AK5: variants seen among roughly 807,000 people sequenced by gnomAD.
AK5 encodes adenylate kinase isoenzyme 5.
In AK5, 27 loss-of-function variants were observed where a neutral mutation model predicts 69.5. The ratio of observed to expected loss-of-function variants is 0.39; its 90% CI spans 0.29 to 0.54. The LOEUF is 0.54. AK5 is among the 20% of genes least tolerant of loss of function. The pLI, the probability that AK5 is intolerant of heterozygous loss-of-function variation, is 0.71. For missense variants in AK5, 531 were observed against 700.4 expected (o/e 0.76, Z 2.73); for synonymous variants, 260 against 244.4 (o/e 1.06, Z -0.60).
chr1:77,341,942 G>T (rs182683922), intron 6 of AK5, among the ~76,000 whole-genome samples: 445 of 152,080 alleles, frequency 2.9e-3, no homozygotes, highest in Middle Eastern at 6.8e-3. Context: ...TCTGTCACCT[G>T]GGCTGGAGTG....
chr1:77,498,281 G>C (rs776828324), intron 10 of AK5, among the ~76,000 whole-genome samples: 9 of 152,212 alleles, frequency 5.9e-5, no homozygotes, highest in Non-Finnish European at 1.0e-4. Context: ...ATGGGAAGGG[G>C]TAAAGCCAGA....
chr1:77,426,628 A>G (rs539048390), intron 8 of AK5, among the ~76,000 whole-genome samples: 2 of 152,300 alleles, frequency 1.3e-5, no homozygotes, highest in East Asian at 3.9e-4. Context: ...ACCAAACACC[A>G]CCAGTCAACT....
chr1:77,336,844 T>G (rs921973645), intron 5 of AK5, among the ~76,000 whole-genome samples: 9 of 152,220 alleles, frequency 5.9e-5, no homozygotes, highest in Non-Finnish European at 1.3e-4. Flanking sequence ...GATATGCTAT[T>G]CCAGGGTAAT....
chr1:77,511,052 G>A (rs758995435), intron 10 of AK5, among the ~76,000 whole-genome samples: 3 of 150,468 alleles, frequency 2.0e-5, no homozygotes, highest in Non-Finnish European at 3.0e-5. Flanking sequence ...GCCAAAGCAG[G>A]GAAATCATAT....
chr1:77,484,052 C>A (rs578172166), intron 9 of AK5, among the ~76,000 whole-genome samples: 1 of 151,988 alleles, frequency 6.6e-6, no homozygotes, highest in South Asian at 2.1e-4. Flanking sequence ...GTAATCCCAG[C>A]TACTCAGGAG....
chr1:77,498,177 T>C (rs1656469541), intron 10 of AK5, among the ~76,000 whole-genome samples: 1 of 152,174 alleles, frequency 6.6e-6, no homozygotes, highest in Non-Finnish European at 1.5e-5. Context: ...GAAAATTTTC[T>C]TCTGGGAAAG....
chr1:77,430,336 C>T (rs1315220783), intron 8 of AK5, among the ~76,000 whole-genome samples: 1 of 152,114 alleles, frequency 6.6e-6, no homozygotes, highest in Non-Finnish European at 1.5e-5. Flanking sequence ...TTGAAGATGA[C>T]TTCTGGGTTT....
At chr1:77,332,200 GATTC>G (rs1661124972) in intron 5 of AK5, among the ~76,000 whole-genome samples, 1 of 151,936 alleles carries the variant, frequency 6.6e-6, no homozygotes, top group Non-Finnish European at 1.5e-5. Flanking sequence ...AATATTTAGA[GATTC>G]ATTTATTTTT....
chr1:77,394,273 A>C lies in AK5; in HGVS notation c.892-16708A>C, dbSNP rs572580247. 1.4e-4 allele frequency among the ~76,000 whole-genome samples: 21 copies of C among 152,268 alleles called. 1 individual carries two copies. The South Asian group carries it at 4.2e-3, about 30-fold the overall frequency. The stretch of plus-strand genomic sequence containing the variant: ...AATCTGAATGTGTGCTTTGTGATTC[A>C]TGAATTCTTGTCAGATAAAGAGTAT... On this transcript the variant is annotated intron_variant, in intron 6 of 13. Transcript: ENST00000354567.
chr1:77,377,014 T>C (rs1437118151), intron 6 of AK5, among the ~76,000 whole-genome samples: 1 of 152,178 alleles, frequency 6.6e-6, no homozygotes, highest in Non-Finnish European at 1.5e-5. Context: ...AATAAGCAAT[T>C]ATATGACTCT....
intron 6 of AK5, among the ~76,000 whole-genome samples, chr1:77,369,802 C>G (rs954223895): frequency 7.2e-5 from 11 of 152,162 alleles, no homozygotes; most frequent in African/African-American, 2.6e-4. Context: ...TGAGTAGTTT[C>G]AAAAAGTGTT....
intron 6 of AK5, among the ~76,000 whole-genome samples, chr1:77,384,469 C>T (rs890380583): frequency 6.6e-6 from 1 of 152,068 alleles, no homozygotes; most frequent in African/African-American, 2.4e-5. Context: ...TACAGGTGGA[C>T]ATTACTGACT....
intron 5 of AK5, among the ~76,000 whole-genome samples, chr1:77,325,861 A>G (rs1660776262): frequency 6.6e-6 from 1 of 152,088 alleles, no homozygotes; most frequent in African/African-American, 2.4e-5. Flanking sequence ...TTTTAGAACC[A>G]TACTTGTCAG....
chr1:77,290,477 A>C (rs2100648258), intron 2 of AK5, among the ~76,000 whole-genome samples: 1 of 152,322 alleles, frequency 6.6e-6, no homozygotes, highest in South Asian at 2.1e-4. Flanking sequence ...TACTTTCCTA[A>C]GTTAAAATAT....
intron 5 of AK5, among the ~76,000 whole-genome samples, chr1:77,333,051 C>T (rs1278589113): frequency 6.6e-6 from 1 of 151,772 alleles, no homozygotes; most frequent in Non-Finnish European, 1.5e-5. Flanking sequence ...TGACATGGCA[C>T]TCTTTAGCTC....
At chr1:77,317,915 C>T (rs61784657) in intron 5 of AK5, among the ~76,000 whole-genome samples, 14,392 of 152,212 alleles carry the variant, frequency 0.095, 806 homozygotes, top group Middle Eastern at 0.17. Context: ...CTTTTAGTAA[C>T]GTTTATTCTT....
intron 12 of AK5, among the ~76,000 whole-genome samples, chr1:77,534,534 G>A (rs183849045): frequency 2.6e-5 from 4 of 152,324 alleles, no homozygotes; most frequent in African/African-American, 9.6e-5. Context: ...AGGAGCATAC[G>A]TATGTTACCT....
chr1:77,517,968 G>T (rs1407129263), intron 10 of AK5, among the ~76,000 whole-genome samples: 1 of 152,182 alleles, frequency 6.6e-6, no homozygotes, highest in Non-Finnish European at 1.5e-5. Context: ...TGTAGGAAAT[G>T]ACACTAAAAG....
intron 8 of AK5, among the ~76,000 whole-genome samples, chr1:77,442,580 C>T (rs900203907): frequency 6.6e-6 from 1 of 152,148 alleles, no homozygotes; most frequent in African/African-American, 2.4e-5. Context: ...TCCTTCTGTT[C>T]TCTGTGTGAC....
Sources: allele counts gnomAD v4.1 joint callset (sites outside exome capture counted in the v4.1 genomes callset), GRCh38; gene constraint gnomAD v4.1.1; transcripts MANE v1.5; gene names NCBI Gene and HGNC (gene_info 2026-07-23, HGNC 2026-07-21).